SEPTIN12: variants seen among roughly 807,000 people sequenced by gnomAD.
SEPTIN12 encodes the protein septin-12.
Under a neutral mutation model 37.7 loss-of-function variants are expected in SEPTIN12, and 42 were observed. That is an observed-to-expected ratio of 1.11 (90% confidence interval 0.87 to 1.44). The LOEUF (loss-of-function observed/expected upper bound fraction) is 1.44, where lower values mean the gene tolerates loss of function less well. SEPTIN12 is among the 40% of genes most tolerant of loss of function. SEPTIN12 has a pLI of 0.00. For synonymous variants in SEPTIN12, 254 were observed against 196.7 expected, an observed-to-expected ratio of 1.29 and a Z score of -2.44; for missense variants, 613 against 479.2, an observed-to-expected ratio of 1.28 and a Z score of -2.61.
chr16:4,789,738 C>A (rs188692664), upstream of SEPTIN12, among the ~76,000 whole-genome samples: 2 of 151,882 alleles, frequency 1.3e-5, no homozygotes, highest in Non-Finnish European at 2.9e-5. Context: ...AGATTACAGA[C>A]GTGAACCACC....
chr16:4,778,261 C>T (rs1017299650), intron 8 of SEPTIN12, 124 bp from the exon 9 acceptor site: 1 of 1,019,374 alleles, frequency 9.8e-7, no homozygotes, highest in Non-Finnish European at 1.5e-6. Context: ...CCTATCCTGC[C>T]TTCCCTTTGT....
rs545910881 is a variant in SEPTIN12, at chr16:4,785,187, G to T, written c.374+620C>A. Among the ~76,000 whole-genome samples, 906 of 152,172 alleles carry T rather than the reference G, an allele frequency of 6.0e-3. 6 individuals are homozygous for T. Among genetic ancestry groups the T allele is most frequent in the Middle Eastern group, 0.048 (14 of 294 alleles). Reference sequence around the variant, plus strand: ...ATTGCTTGAACCCCGGGAGGCGGAGGTTGCAGTGAGCAGAGATTGTGCCAC... The same window carrying T: ...ATTGCTTGAACCCCGGGAGGCGGAGTTTGCAGTGAGCAGAGATTGTGCCAC... On this transcript the variant is annotated intron_variant, in intron 4 of 9. Transcript: ENST00000268231.
intron 7 of SEPTIN12, 30 bp from the exon 8 acceptor site, chr16:4,779,816 G>A: frequency 1.4e-6 from 2 of 1,465,710 alleles, no homozygotes; most frequent in Non-Finnish European, 1.9e-6. Flanking sequence ...AGAGATGGGA[G>A]GATTGACTTC....
At chr16:4,783,816 A>T in intron 5 of SEPTIN12, 50 bp from the exon 6 acceptor site, 1 of 1,596,598 alleles carries the variant, frequency 6.3e-7, no homozygotes, top group Non-Finnish European at 8.6e-7. Context: ...TGAGTGTATA[A>T]ACGACAGCAG....
Position 4,778,156 on chromosome 16 carries a change from A to G in SEPTIN12, c.824-19T>C, listed in dbSNP as rs1350278641. 1 of 1,614,022 alleles carries G rather than the reference A, an allele frequency of 6.2e-7. No homozygotes were observed. Among genetic ancestry groups the G allele is most frequent in the South Asian group, 1.1e-5 (1 of 91,074 alleles). Reference sequence around the variant, plus strand: ...TTCTCCACTGCAAGACATGGGACTCAGTATGGGCGCTGCTTAGTGAGCACT... The same window carrying G: ...TTCTCCACTGCAAGACATGGGACTCGGTATGGGCGCTGCTTAGTGAGCACT... On this transcript the variant is annotated intron_variant, in intron 8 of 9. Coordinates refer to ENST00000268231, the MANE Select transcript of SEPTIN12 (RefSeq NM_144605.5).
chr16:4,784,524 C>T (rs1475345268), intron 4 of SEPTIN12, among the ~76,000 whole-genome samples: 1 of 150,820 alleles, frequency 6.6e-6, no homozygotes, highest in Non-Finnish European at 1.5e-5. Flanking sequence ...AATCCCAGCA[C>T]TTTGGGAGGC....
At chr16:4,788,690 A>G (rs535218424), upstream of SEPTIN12, 1 of 152,222 alleles carries the variant, frequency 6.6e-6, no homozygotes, top group African/African-American at 2.4e-5. Flanking sequence ...TTTAGCAAAT[A>G]TTTACCCAGT....
At chr16:4,783,244 A>T (rs902908557) in intron 7 of SEPTIN12, 2 of 579,866 alleles carry the variant, frequency 3.4e-6, no homozygotes, top group East Asian at 5.9e-5. Flanking sequence ...CAAGCCCCTT[A>T]TTGGGTATGT....
chr16:4,781,037 G>A (rs955396785), intron 7 of SEPTIN12, among the ~76,000 whole-genome samples: 5 of 152,060 alleles, frequency 3.3e-5, no homozygotes, highest in East Asian at 1.9e-4. Context: ...GAGATGGGTG[G>A]ATCACAAGGT....
rs761451360 is a variant in SEPTIN12 at position 4,777,906 on chromosome 16, C to A, written c.968G>T (p.Arg323Leu). ...IRLNESHLLP[R>L]GPGWVNLAPA... The stretch of plus-strand genomic sequence containing the variant: ...GGCCAGGTTCACCCAGCCGGGCCCG[C>A]GGGGCAGCAGGTGGCTTTCATTGAG... The change falls in exon 10 of 10, where the codon CGC becomes CTC. Residue 323 changes from arginine (R) to leucine (L), a missense_variant. Physicochemically the swap from Arg to Leu is moderately radical, Grantham distance 102. Coordinates refer to ENST00000268231, the MANE Select transcript of SEPTIN12 (RefSeq NM_144605.5). 4 of 1,601,814 alleles carry A rather than the reference C, an allele frequency of 2.5e-6. No individual in the cohort carries two copies. The East Asian group carries it at 9.0e-5, about 36-fold the overall frequency.
In SEPTIN12 at chr16:4,779,775, AGGGATTCGGTCCT is replaced by A; in HGVS notation, c.727-2_737del. Reference sequence around the variant, plus strand: ...CTTGGTCAGCCCCTACCACGGCAAAAGGGATTCGGTCCTGGGAAAGGAGAAGACACAGAGATGG... The same window carrying A: ...CTTGGTCAGCCCCTACCACGGCAAAAGGGAAAGGAGAAGACACAGAGATGG... On this transcript the variant is annotated splice_acceptor_variant and coding_sequence_variant, in exon 8 of 10. Coordinates refer to ENST00000268231, the MANE Select transcript of SEPTIN12 (RefSeq NM_144605.5). LOFTEE classifies it high-confidence loss of function. The A allele has an allele frequency of 6.2e-7, 1 of 1,610,116 alleles. No homozygotes were observed. Among genetic ancestry groups the A allele is most frequent in the African/African-American group, 1.3e-5 (1 of 74,920 alleles).
At chr16:4,780,241 CCAT>C (rs2082358450) in intron 7 of SEPTIN12, among the ~76,000 whole-genome samples, 1 of 151,602 alleles carries the variant, frequency 6.6e-6, no homozygotes, top group African/African-American at 2.4e-5. Flanking sequence ...GTGTGCACCA[CCAT>C]GCCTGGCTAC....
chr16:4,785,270 G>A (rs1445075406), intron 4 of SEPTIN12, among the ~76,000 whole-genome samples: 2 of 150,978 alleles, frequency 1.3e-5, no homozygotes, highest in Admixed American at 6.6e-5. Flanking sequence ...AAAATTAGCC[G>A]GAAATTGCTT....
rs192486262 is a variant in SEPTIN12 at position 4,781,936 on chromosome 16, G to A, written c.726+1526C>T. On this transcript the variant is annotated intron_variant, in intron 7 of 9. Coordinates refer to ENST00000268231, the MANE Select transcript of SEPTIN12 (RefSeq NM_144605.5). The stretch of plus-strand genomic sequence containing the variant: ...TGGGATTACAGGTGTGAGCCACCGT[G>A]CCCGGCCTTTTTTTTTTTTTTTTTT... Among the ~76,000 whole-genome samples the A allele has an allele frequency of 8.0e-3, 842 of 105,838 alleles. 18 individuals are homozygous for A. Among genetic ancestry groups the A allele is most frequent in the African/African-American group, 0.027 (779 of 28,552 alleles). 69.4% of individuals were successfully genotyped at this position (105,838 alleles called of 152,430 possible). A position where few individuals can be genotyped will look rare whatever the true frequency, so the allele number is the denominator to read the frequency against.
intron 7 of SEPTIN12, among the ~76,000 whole-genome samples, chr16:4,780,562 A>G (rs141843053): frequency 1.3e-5 from 2 of 152,298 alleles, no homozygotes; most frequent in South Asian, 2.1e-4. Context: ...AGGTTGTTGA[A>G]CCCTACCGTA....
At chr16:4,784,186 C>T in intron 4 of SEPTIN12, 118 bp from the exon 5 acceptor site, 9 of 1,243,842 alleles carry the variant, frequency 7.2e-6, no homozygotes, top group Middle Eastern at 2.2e-4. Flanking sequence ...CCGGTTGGCC[C>T]GGGACCTGTG....
Position 4,783,450 on chromosome 16 carries a change from A to G in SEPTIN12, c.726+12T>C. The G allele has an allele frequency of 6.2e-7, 1 of 1,610,146 alleles. No individual in the cohort carries two copies. Among genetic ancestry groups the G allele is most frequent in the Non-Finnish European group, 8.5e-7 (1 of 1,176,766 alleles). ...AATCACCTCGCCCGCCTCCCGCCCC[A>G]CAGCCTCTCACCCGTAACTTGCTGT... On this transcript the variant is annotated intron_variant, in intron 7 of 9. Coordinates refer to ENST00000268231, the MANE Select transcript of SEPTIN12 (RefSeq NM_144605.5).
intron 7 of SEPTIN12, among the ~76,000 whole-genome samples, chr16:4,780,337 C>T (rs1223611568): frequency 6.6e-6 from 1 of 151,962 alleles, no homozygotes; most frequent in African/African-American, 2.4e-5. Flanking sequence ...ATCCTCCCGC[C>T]TCTGCCTTCC....
At chr16:4,782,673 G>A (rs141176492) in intron 7 of SEPTIN12, among the ~76,000 whole-genome samples, 55 of 149,304 alleles carry the variant, frequency 3.7e-4, no homozygotes, top group African/African-American at 1.3e-3. Context: ...GCGCAATCTC[G>A]GCTCACCGTA....
Sources: allele counts gnomAD v4.1 joint callset (sites outside exome capture counted in the v4.1 genomes callset), GRCh38; gene constraint gnomAD v4.1.1; transcripts MANE v1.5; gene names NCBI Gene and HGNC (gene_info 2026-07-23, HGNC 2026-07-21).